The following CEP164 variants were observed in gnomAD, a reference collection of about 807,000 sequenced individuals.
CEP164 encodes the protein centrosomal protein 164.
CEP164 carries 162 observed loss-of-function variants against 182.7 expected under a neutral mutation model. The observed-to-expected ratio is 0.89, with a 90% CI of 0.78 to 1.01. The LOEUF (loss-of-function observed/expected upper bound fraction) is 1.01, where lower values mean the gene tolerates loss of function less well. CEP164 is among the 50% of genes least tolerant of loss of function. The probability of loss-of-function intolerance (pLI) is 0.00; values close to 1 mark genes in which losing one functional copy is unlikely to be tolerated. For synonymous variants in CEP164, 661 were observed against 690.0 expected (o/e 0.96, Z 0.66); for missense variants, 1,735 against 1,790.4 (o/e 0.97, Z 0.56).
In CEP164 at chr11:117,394,470, T is replaced by C; in HGVS notation, c.2737T>C (p.Leu913=). 6.2e-7 allele frequency: 1 copy of C among 1,614,016 alleles called. No individual in the cohort carries two copies. Among genetic ancestry groups the C allele is most frequent in the Non-Finnish European group, 8.5e-7 (1 of 1,180,006 alleles). Residue 913 remains leucine (L), a synonymous_variant, in exon 21 of 33, where the codon TTG becomes CTG. Transcript: ENST00000278935. This position sits in a 1 kb window ranked among gnomAD's most constrained non-coding sequence, Gnocchi z 4.0. Reference sequence around the variant, plus strand: ...GGAGCAACACAAGCGTCTTGAGGACTTGCGGCGCCGGCACAGGGAGCAGGT... The same window carrying C: ...GGAGCAACACAAGCGTCTTGAGGACCTGCGGCGCCGGCACAGGGAGCAGGT... ...RQEQHKRLED[L]RRRHREQERK... is the part of the protein sequence containing the mutation.
chr11:117,331,718 C>T (rs912413667), intron 1 of CEP164, among the ~76,000 whole-genome samples: 4 of 149,916 alleles, frequency 2.7e-5, no homozygotes, highest in African/African-American at 4.9e-5. Flanking sequence ...AAAACTACTG[C>T]GGGTCTTCCT....
intron 8 of CEP164, among the ~76,000 whole-genome samples, chr11:117,370,298 T>C (rs2042074329): frequency 6.6e-6 from 1 of 152,114 alleles, no homozygotes; most frequent in South Asian, 2.1e-4. Flanking sequence ...AAGAGGACTC[T>C]CCTGATAGTT....
intron 4 of CEP164, among the ~76,000 whole-genome samples, chr11:117,349,551 C>A (rs2039362526): frequency 6.6e-6 from 1 of 152,004 alleles, no homozygotes; most frequent in South Asian, 2.1e-4. Flanking sequence ...AGTGGTGTAA[C>A]CATAGCTCAC....
upstream of CEP164, among the ~76,000 whole-genome samples, chr11:117,325,719 C>A (rs73014325): frequency 0.048 from 7,226 of 151,874 alleles, 181 homozygotes; most frequent in Middle Eastern, 0.1. Context: ...GGAAAGGGGA[C>A]GATGATTTGT....
chr11:117,345,243 T>C (rs1401223319), intron 4 of CEP164, among the ~76,000 whole-genome samples: 1 of 152,002 alleles, frequency 6.6e-6, no homozygotes, highest in East Asian at 1.9e-4. Context: ...AAAGACAGAG[T>C]GGCCAAGGTT....
intron 8 of CEP164, among the ~76,000 whole-genome samples, chr11:117,365,869 C>T (rs557413156): frequency 2.1e-4 from 32 of 152,258 alleles, no homozygotes; most frequent in African/African-American, 6.5e-4. Context: ...TGTGAGCCAT[C>T]GTGCCCAGCC....
intron 20 of CEP164, 77 bp downstream of exon 20, chr11:117,393,203 ACACACATGCACG>A (rs1042892169): frequency 1.3e-6 from 2 of 1,549,590 alleles, no homozygotes; most frequent in African/African-American, 2.7e-5. Flanking sequence ...ACACATGCAC[ACACACATGCACG>A]CACATGCACA....
chr11:117,391,354 C>A, intron 17 of CEP164, 139 bp downstream of exon 17: 1 of 748,944 alleles, frequency 1.3e-6, no homozygotes, highest in Non-Finnish European at 2.2e-6. Flanking sequence ...AGGTCTCACA[C>A]ACACAGGCAT....
At chr11:117,386,019 C>G (rs995069190) in intron 14 of CEP164, 1 of 152,110 alleles carries the variant, frequency 6.6e-6, no homozygotes, top group African/African-American at 2.4e-5. Flanking sequence ...CAGCGGGGCT[C>G]GAGCTGGAGG....
chr11:117,342,444 G>A (rs493516), intron 3 of CEP164, among the ~76,000 whole-genome samples: 34,773 of 151,972 alleles, frequency 0.23, 4,135 homozygotes, highest in African/African-American at 0.28. Context: ...ATGTTCCAAC[G>A]GTTATGTCAT....
intron 2 of CEP164, chr11:117,336,778 G>A (rs1187738460): frequency 1.6e-6 from 1 of 606,850 alleles, no homozygotes. Flanking sequence ...AGCTTCTGAG[G>A]AAGTGGGGAC....
In CEP164 at chr11:117,349,160, T is replaced by A. The variant is rs567276217; in HGVS notation, c.195-2630T>A. Among the ~76,000 whole-genome samples, 33 of 152,108 alleles carry A rather than the reference T, an allele frequency of 2.2e-4. No individual in the cohort carries two copies. The East Asian group carries it at 3.5e-3, about 16-fold the overall frequency. ...GCCTGTACCTCCCGAGTAGCTGGGA[T>A]TACAGGCACGTGCCACCATGCCCGG... On this transcript the variant is annotated intron_variant, in intron 4 of 32. Transcript: ENST00000278935.
intron 5 of CEP164, chr11:117,354,858 C>T (rs2040128120): frequency 1.7e-6 from 2 of 1,160,434 alleles, no homozygotes; most frequent in Non-Finnish European, 2.2e-6. Flanking sequence ...AGGGCTTGCC[C>T]AGGGCTGAGG....
In CEP164 at chr11:117,412,269, C is replaced by A; in HGVS notation, c.*101C>A. 1 of 1,058,836 alleles carries A rather than the reference C, an allele frequency of 9.4e-7. No homozygotes were observed. Among genetic ancestry groups the A allele is most frequent in the Non-Finnish European group, 1.4e-6 (1 of 735,452 alleles). 65.6% of individuals were successfully genotyped at this position (1,058,836 alleles called of 1,614,324 possible). On this transcript the variant is annotated 3_prime_UTR_variant, in exon 33 of 33. Transcript: ENST00000278935. ...TTCCATCTGAGAAAGCACCCTCCTTCCCCCTTTGACTTGCAGGAGCCACCA... is the reference window on the plus strand; with the variant it reads ...TTCCATCTGAGAAAGCACCCTCCTTACCCCTTTGACTTGCAGGAGCCACCA...
At chr11:117,372,377 C>A (rs1260767067) in intron 9 of CEP164, among the ~76,000 whole-genome samples, 1 of 151,906 alleles carries the variant, frequency 6.6e-6, no homozygotes, top group Non-Finnish European at 1.5e-5. Flanking sequence ...TCCCCAAGTG[C>A]TGGGATTATC....
Position 117,394,601 on chromosome 11 carries a change from G to C in CEP164, c.2760+108G>C. On this transcript the variant is annotated intron_variant, in intron 21 of 32. Transcript: ENST00000278935. This position sits in a 1 kb window ranked among gnomAD's most constrained non-coding sequence, Gnocchi z 4.0. ...GCAGGATGCAGCCTGACAGCTTCTG[G>C]AGTGAGAGTCTCTCACTGGCCATCT... 2.1e-6 allele frequency: 3 copies of C among 1,417,804 alleles called. No homozygotes were observed. Among genetic ancestry groups the C allele is most frequent in the Non-Finnish European group, 2.8e-6 (3 of 1,052,646 alleles). The allele number at this position is 1,417,804 out of a possible 1,614,324, so 87.8% of individuals were successfully genotyped here.
At chr11:117,393,581 T>G (rs763590877) in intron 20 of CEP164, among the ~76,000 whole-genome samples, 4 of 152,138 alleles carry the variant, frequency 2.6e-5, no homozygotes, top group Non-Finnish European at 5.9e-5. Context: ...TTGGAGAGTT[T>G]AAGTAGCTTC....
chr11:117,396,793 T>C (rs1406908587), intron 26 of CEP164, among the ~76,000 whole-genome samples, 182 bp downstream of exon 26: 2 of 152,228 alleles, frequency 1.3e-5, no homozygotes, highest in African/African-American at 2.4e-5. Context: ...AACTGCCCAC[T>C]GTGACCTTTG....
At chr11:117,349,713 A>C (rs192489212) in intron 4 of CEP164, among the ~76,000 whole-genome samples, 143 of 152,238 alleles carry the variant, frequency 9.4e-4, no homozygotes, top group Non-Finnish European at 1.5e-3. Flanking sequence ...TTTATCTTAT[A>C]TTAAATTTGA....
Sources: allele counts gnomAD v4.1 joint callset (sites outside exome capture counted in the v4.1 genomes callset), GRCh38; gene constraint gnomAD v4.1.1; non-coding constraint Gnocchi (gnomAD v3.1); transcripts MANE v1.5; gene names NCBI Gene and HGNC (gene_info 2026-07-23, HGNC 2026-07-21).